Variants in FTO observed in about 807,000 individuals in gnomAD.
FTO encodes the protein alpha-ketoglutarate-dependent dioxygenase FTO.
Under a neutral mutation model 63.9 loss-of-function variants are expected in FTO, and 47 were observed. The observed-to-expected ratio is 0.74, with a 90% CI of 0.58 to 0.94. FTO has a LOEUF of 0.94. FTO is among the 40% of genes least tolerant of loss of function. FTO has a pLI of 0.00. For synonymous variants in FTO, 207 were observed against 224.4 expected (o/e 0.92, Z 0.69); for missense variants, 562 against 618.1 (o/e 0.91, Z 0.96).
intron 8 of FTO, among the ~76,000 whole-genome samples, chr16:54,066,203 G>A (rs1230388620): frequency 6.6e-6 from 1 of 152,010 alleles, no homozygotes; most frequent in Non-Finnish European, 1.5e-5. Flanking sequence ...CATATGCATT[G>A]TTTTCCTGGG....
intron 8 of FTO, among the ~76,000 whole-genome samples, chr16:53,952,891 G>A (rs1315837333): frequency 6.6e-6 from 1 of 152,172 alleles, no homozygotes; most frequent in Admixed American, 6.5e-5. Flanking sequence ...TTTCTCATTT[G>A]ATATTTTTCT....
chr16:53,921,097 G>A (rs2081996589), intron 7 of FTO, among the ~76,000 whole-genome samples: 1 of 152,188 alleles, frequency 6.6e-6, no homozygotes, highest in African/African-American at 2.4e-5. Context: ...CACACTGTAG[G>A]GCCGCAGACA....
chr16:54,109,122 CT>C (rs1302221983), intron 8 of FTO, among the ~76,000 whole-genome samples: 1 of 152,162 alleles, frequency 6.6e-6, no homozygotes, highest in Non-Finnish European at 1.5e-5. Context: ...CTGCTGGCCC[CT>C]ATTACTATCA....
rs530822291 is a variant in FTO, at chr16:53,939,681, A to G, written c.1364+5572A>G. On this transcript the variant is annotated intron_variant, in intron 8 of 8. Transcript: ENST00000471389. ...ACTTTTTATCTCTACAGATTTGCCT[A>G]TTTATAACATTTCTTATAAATGAAA... Among the ~76,000 whole-genome samples, 11 of 152,298 alleles carry G rather than the reference A, an allele frequency of 7.2e-5. 1 individual carries two copies. In the South Asian group the frequency reaches 2.1e-3, roughly 29 times the overall value.
At chr16:53,942,813 G>A (rs564250869) in intron 8 of FTO, among the ~76,000 whole-genome samples, 4 of 152,316 alleles carry the variant, frequency 2.6e-5, no homozygotes, top group South Asian at 4.1e-4. Flanking sequence ...ATCGGACCAC[G>A]TCAGCTGCTA....
chr16:53,813,911 C>G (rs771213452), intron 2 of FTO, among the ~76,000 whole-genome samples: 2 of 152,134 alleles, frequency 1.3e-5, no homozygotes, highest in Non-Finnish European at 2.9e-5. Context: ...ACTGTAAGTT[C>G]CACCTACTTG....
intron 8 of FTO, chr16:53,935,584 A>G (rs1482648789): frequency 2.0e-5 from 3 of 152,130 alleles, no homozygotes; most frequent in Non-Finnish European, 4.4e-5. Context: ...AAAAATGTTT[A>G]TAAAAATAGA....
intron 1 of FTO, among the ~76,000 whole-genome samples, chr16:53,712,315 AG>A (rs986467466): frequency 6.6e-6 from 1 of 152,156 alleles, no homozygotes; most frequent in Admixed American, 6.5e-5. Context: ...GCCAAAGACC[AG>A]GGGACTTGAA....
At chr16:54,018,371 TTAGATAGATAGATGATAGATAGATAGA>T (rs1376268151) in intron 8 of FTO, among the ~76,000 whole-genome samples, 3 of 138,744 alleles carry the variant, frequency 2.2e-5, no homozygotes, top group Admixed American at 7.1e-5. Flanking sequence ...TGGTTATAGC[TTAGATAGATAGATGATAGATAGATAGA>T]TAGATAGATA....
At chr16:54,040,148 C>T (rs1336508577) in intron 8 of FTO, 1 of 152,164 alleles carries the variant, frequency 6.6e-6, no homozygotes, top group Non-Finnish European at 1.5e-5. Flanking sequence ...TTAAAATAAT[C>T]CTTTTAGGGA....
At chr16:53,715,748 A>G (rs1222661718) in intron 1 of FTO, among the ~76,000 whole-genome samples, 1 of 152,136 alleles carries the variant, frequency 6.6e-6, no homozygotes, top group Non-Finnish European at 1.5e-5. Flanking sequence ...CATTTTTTTC[A>G]TTATAATCTC....
intron 7 of FTO, among the ~76,000 whole-genome samples, chr16:53,921,493 C>A (rs376514999): frequency 1.3e-5 from 2 of 152,242 alleles, no homozygotes; most frequent in East Asian, 1.9e-4. Flanking sequence ...GTTAGGACAA[C>A]GAACAGATTA....
intron 8 of FTO, among the ~76,000 whole-genome samples, chr16:54,078,038 G>A (rs1421697115): frequency 6.6e-6 from 1 of 152,040 alleles, no homozygotes; most frequent in Non-Finnish European, 1.5e-5. Flanking sequence ...ACTGTCTGTC[G>A]AAAAACTTCC....
chr16:53,987,386 G>A (rs1342690683), intron 8 of FTO, among the ~76,000 whole-genome samples: 1 of 151,884 alleles, frequency 6.6e-6, no homozygotes, highest in African/African-American at 2.4e-5. Flanking sequence ...TTCAAGATCA[G>A]CCTAGCCAAT....
At chr16:53,828,297 G>A (rs960314737) in intron 3 of FTO, among the ~76,000 whole-genome samples, 3 of 152,058 alleles carry the variant, frequency 2.0e-5, no homozygotes, top group Non-Finnish European at 4.4e-5. Context: ...TCCACTCACT[G>A]CAAGCTCCGC....
chr16:53,973,038 C>T (rs2083363959), intron 8 of FTO, among the ~76,000 whole-genome samples: 1 of 152,204 alleles, frequency 6.6e-6, no homozygotes, highest in Non-Finnish European at 1.5e-5. Context: ...AAGGCATTGA[C>T]TCAGCTCCAT....
At chr16:53,744,414 A>G (rs2076599673) in intron 1 of FTO, among the ~76,000 whole-genome samples, 1 of 152,218 alleles carries the variant, frequency 6.6e-6, no homozygotes, top group African/African-American at 2.4e-5. Flanking sequence ...TTAGTCACGA[A>G]TAATTTAACT....
At chr16:53,867,106 C>T (rs1161212645) in intron 4 of FTO, among the ~76,000 whole-genome samples, 1 of 151,630 alleles carries the variant, frequency 6.6e-6, no homozygotes, top group Non-Finnish European at 1.5e-5. Context: ...CATTTAGTTC[C>T]TTTTTTTTAA....
chr16:54,077,687 A>G (rs796527910), intron 8 of FTO, among the ~76,000 whole-genome samples: 15 of 152,326 alleles, frequency 9.8e-5, no homozygotes, highest in African/African-American at 3.4e-4. Flanking sequence ...GTTCAGAGAA[A>G]TCATCAAATG....
Sources: allele counts gnomAD v4.1 joint callset (sites outside exome capture counted in the v4.1 genomes callset), GRCh38; gene constraint gnomAD v4.1.1; transcripts MANE v1.5; gene names NCBI Gene and HGNC (gene_info 2026-07-23, HGNC 2026-07-21).